The following WAPL variants were observed in gnomAD, a reference collection of about 807,000 sequenced individuals.
WAPL encodes WAPL cohesin release factor.
In WAPL, 5 loss-of-function variants were observed where a neutral mutation model predicts 121.0. The ratio of observed to expected loss-of-function variants is 0.04; its 90% CI spans 0.02 to 0.09. The LOEUF (loss-of-function observed/expected upper bound fraction) is 0.09, where lower values mean the gene tolerates loss of function less well. Among genes scored for constraint, WAPL ranks in the 10% least tolerant of loss-of-function variants. WAPL has a pLI of 1.00. For missense variants in WAPL, 999 were observed against 1,410.8 expected (o/e 0.71, Z 4.68); for synonymous variants, 480 against 481.5 (o/e 1.00, Z 0.04).
chr10:86,462,248 TC>T (rs1358766577), intron 9 of WAPL, among the ~76,000 whole-genome samples: 1 of 152,212 alleles, frequency 6.6e-6, no homozygotes, highest in Admixed American at 6.5e-5. Context: ...CTGGTTTTTC[TC>T]CCTAAGTTTC....
intron 8 of WAPL, among the ~76,000 whole-genome samples, chr10:86,469,105 A>G (rs191271414): frequency 1.3e-5 from 2 of 151,318 alleles, no homozygotes; most frequent in East Asian, 1.9e-4. Flanking sequence ...CTCTCTCAAA[A>G]TAAATAAAAT....
At chr10:86,510,170 G>A (rs1461695277) in intron 2 of WAPL, among the ~76,000 whole-genome samples, 1 of 148,424 alleles carries the variant, frequency 6.7e-6, no homozygotes, top group Non-Finnish European at 1.5e-5. Flanking sequence ...TGCCTACCGG[G>A]TTTAAGCGAT....
At chr10:86,494,041 T>C (rs909982048) in intron 4 of WAPL, among the ~76,000 whole-genome samples, 3 of 152,192 alleles carry the variant, frequency 2.0e-5, no homozygotes, top group Non-Finnish European at 4.4e-5. Flanking sequence ...GCTTTTTTAA[T>C]GCATTGACAT....
chr10:86,505,386 G>C (rs1171398443), intron 2 of WAPL, among the ~76,000 whole-genome samples: 1 of 134,184 alleles, frequency 7.5e-6, no homozygotes, highest in Admixed American at 8.6e-5. Context: ...CCACGTTCAA[G>C]TGATATTCTC....
chr10:86,516,984 G>C (rs191107170), intron 2 of WAPL, among the ~76,000 whole-genome samples: 1 of 152,186 alleles, frequency 6.6e-6, no homozygotes, highest in African/African-American at 2.4e-5. Context: ...TCGGGAGGCT[G>C]AGGCAGGAAA....
chr10:86,457,810 G>A (rs1841185408), intron 12 of WAPL, among the ~76,000 whole-genome samples: 1 of 152,060 alleles, frequency 6.6e-6, no homozygotes, highest in Non-Finnish European at 1.5e-5. Context: ...AAAATATTAA[G>A]CAACTAATAA....
intron 3 of WAPL, among the ~76,000 whole-genome samples, chr10:86,499,033 A>G (rs966093623): frequency 1.2e-4 from 18 of 152,318 alleles, no homozygotes; most frequent in Middle Eastern, 3.4e-3. Flanking sequence ...TTATCAGTAC[A>G]GTTCCAAAGG....
intron 9 of WAPL, among the ~76,000 whole-genome samples, chr10:86,462,770 A>T (rs1841315561): frequency 6.6e-6 from 1 of 150,696 alleles, no homozygotes; most frequent in South Asian, 2.1e-4. Flanking sequence ...ACAAATATAG[A>T]ACTAGAATCC....
Position 86,500,407 on chromosome 10 carries a change from A to C in WAPL, c.836T>G (p.Ile279Ser). The C allele has an allele frequency of 6.2e-7, 1 of 1,614,216 alleles. No homozygotes were observed. ...AACACTTTGTACAATATCTTCCTCA[A>C]TGGCTTCATTCAGATTTTCCAATCG... ...KNRLENLNEAIEEDIVQSVLR... is the reference protein window; with the variant it reads ...KNRLENLNEASEEDIVQSVLR... The change falls in exon 3 of 19, where the codon ATT (isoleucine) becomes AGT (serine). Residue 279 changes from isoleucine (I) to serine (S), a missense_variant. By Grantham distance (142) the Ile-to-Ser change is moderately radical. Transcript: ENST00000298767.
intron 4 of WAPL, among the ~76,000 whole-genome samples, chr10:86,482,921 T>G (rs182629336): frequency 6.6e-6 from 1 of 152,266 alleles, no homozygotes; most frequent in East Asian, 1.9e-4. Flanking sequence ...TAACTACAGT[T>G]AATAATAATG....
chr10:86,511,959 T>G (rs1842472020), intron 2 of WAPL, among the ~76,000 whole-genome samples: 1 of 152,176 alleles, frequency 6.6e-6, no homozygotes, highest in African/African-American at 2.4e-5. Context: ...ATAATAGGTC[T>G]TATCCACTTC....
intron 4 of WAPL, among the ~76,000 whole-genome samples, chr10:86,475,339 T>C (rs1392358498): frequency 6.6e-6 from 1 of 152,226 alleles, no homozygotes; most frequent in Non-Finnish European, 1.5e-5. Flanking sequence ...GATTTTCTCT[T>C]ATGAAACACA....
intron 4 of WAPL, among the ~76,000 whole-genome samples, chr10:86,482,622 A>G (rs1268285360): frequency 6.6e-6 from 1 of 152,238 alleles, no homozygotes; most frequent in Non-Finnish European, 1.5e-5. Flanking sequence ...GGAAGAAAGA[A>G]GTTTTCACAA....
intron 8 of WAPL, among the ~76,000 whole-genome samples, 200 bp from the exon 9 acceptor site, chr10:86,467,706 T>C (rs1841431192): frequency 6.6e-6 from 1 of 151,550 alleles, no homozygotes; most frequent in African/African-American, 2.4e-5. Context: ...AGATGGAGTC[T>C]TACTCTGTCG....
intron 2 of WAPL, among the ~76,000 whole-genome samples, 161 bp downstream of exon 2, chr10:86,517,410 T>C (rs1842576867): frequency 6.6e-6 from 1 of 152,208 alleles, no homozygotes; most frequent in South Asian, 2.1e-4. Flanking sequence ...CTCCAACTGG[T>C]TTCTTTAAAG....
intron 1 of WAPL, among the ~76,000 whole-genome samples, chr10:86,519,229 C>T (rs751392186): frequency 1.3e-5 from 2 of 152,000 alleles, no homozygotes; most frequent in African/African-American, 2.4e-5. Context: ...AGTTATAGTA[C>T]TTTTTAAACA....
chr10:86,515,511 G>A (rs979400503), intron 2 of WAPL, among the ~76,000 whole-genome samples: 3 of 151,962 alleles, frequency 2.0e-5, no homozygotes, highest in East Asian at 2.0e-4. Context: ...GGCCAGAAGC[G>A]ATGGCTCACG....
chr10:86,472,274 G>T lies in WAPL; in HGVS notation c.1964C>A (p.Thr655Asn). The change falls in exon 7 of 19, where the codon ACT (threonine) becomes AAT (asparagine). Residue 655 changes from threonine (T) to asparagine (N), a missense_variant. Physicochemically the swap from Thr to Asn is moderately conservative, Grantham distance 65 (BLOSUM62 0). Transcript: ENST00000298767. This position sits in a 1 kb window ranked among gnomAD's most constrained non-coding sequence, Gnocchi z 4.2. The part of the protein sequence containing the change: ...VVEFGENQEF[T>N]DDIEYLLSGL... The stretch of plus-strand genomic sequence containing the variant: ...ACTTAACAAGTACTCAATGTCATCA[G>T]TGAACTCTTGATTTTCACCAAATTC... The T allele has an allele frequency of 6.2e-7, 1 of 1,609,124 alleles. No individual in the cohort carries two copies. The highest frequency in any genetic ancestry group is 8.5e-7 in the Non-Finnish European group (1 of 1,178,998).
At position 86,517,604 on chromosome 10, in the gene WAPL, T is replaced by C. The variant is rs1564592588; in HGVS notation, c.466A>G (p.Ser156Gly). Residue 156 changes from serine to glycine, a missense_variant, in exon 2 of 19, where the codon AGC becomes GGC. Physicochemically the swap from Ser to Gly is moderately conservative, Grantham distance 56 (BLOSUM62 0). Transcript: ENST00000298767. ...STNRIVEDDA[S>G]ISSCNKLITS... The stretch of plus-strand genomic sequence containing the variant: ...ATTAATTTATTACAGCTACTTATGC[T>C]TGCATCATCTTCTACAATTCGGTTT... 6.2e-7 allele frequency: 1 copy of C among 1,613,288 alleles called. No homozygotes were observed. Among genetic ancestry groups the C allele is most frequent in the Non-Finnish European group, 8.5e-7 (1 of 1,179,514 alleles).
Sources: allele counts gnomAD v4.1 joint callset (sites outside exome capture counted in the v4.1 genomes callset), GRCh38; gene constraint gnomAD v4.1.1; non-coding constraint Gnocchi (gnomAD v3.1); transcripts MANE v1.5; gene names NCBI Gene and HGNC (gene_info 2026-07-23, HGNC 2026-07-21).